MTO1: variants seen among roughly 807,000 people sequenced by gnomAD.
The protein encoded by MTO1 is mitochondrial tRNA translation optimization 1.
In MTO1, 46 loss-of-function variants were observed where a neutral mutation model predicts 71.6. The observed-to-expected ratio is 0.64, with a 90% CI of 0.51 to 0.82. MTO1 has a LOEUF of 0.82. Among genes scored for constraint, MTO1 ranks in the 40% least tolerant of loss-of-function variants. The pLI is 0.00. For missense variants in MTO1, 773 were observed against 867.5 expected (o/e 0.89, Z 1.37); for synonymous variants, 297 against 312.1 (o/e 0.95, Z 0.51).
At chr6:73,474,066 G>A (rs1321217278) in intron 4 of MTO1, among the ~76,000 whole-genome samples, 1 of 150,732 alleles carries the variant, frequency 6.6e-6, no homozygotes, top group Non-Finnish European at 1.5e-5. Flanking sequence ...GATTGCAGGT[G>A]TAAACCACCG....
intron 3 of MTO1, among the ~76,000 whole-genome samples, chr6:73,470,990 G>A (rs1771147407): frequency 6.6e-6 from 1 of 151,836 alleles, no homozygotes; most frequent in African/African-American, 2.4e-5. Flanking sequence ...CCTTCACTTT[G>A]TCCCCTCAAC....
At chr6:73,468,844 G>A (rs1206539051) in intron 3 of MTO1, among the ~76,000 whole-genome samples, 1 of 152,098 alleles carries the variant, frequency 6.6e-6, no homozygotes, top group Non-Finnish European at 1.5e-5. Flanking sequence ...CTGACCTCAA[G>A]TGATCCGCCT....
intron 8 of MTO1, 87 bp from the exon 9 acceptor site, chr6:73,482,362 T>C: frequency 6.5e-7 from 1 of 1,542,200 alleles, no homozygotes; most frequent in African/African-American, 1.4e-5. Flanking sequence ...AGGACTAGCC[T>C]GGGCAACATA....
intron 4 of MTO1, among the ~76,000 whole-genome samples, chr6:73,478,290 G>A (rs540674519): frequency 6.7e-6 from 1 of 150,104 alleles, no homozygotes; most frequent in South Asian, 2.1e-4. Flanking sequence ...GATTGAGGAT[G>A]AAGAATTGGC....
At position 73,466,559 on chromosome 6, in the gene MTO1, C is replaced by G; in HGVS notation, c.488C>G (p.Pro163Arg). 6.2e-7 allele frequency: 1 copy of G among 1,614,138 alleles called. No homozygotes were observed. Among genetic ancestry groups the G allele is most frequent in the Non-Finnish European group, 8.5e-7 (1 of 1,180,032 alleles). ...GAVEDLILTE[P>R]EPEHTGKCRV... ...GTAGAAGATCTTATTCTTACAGAAC[C>G]AGAGCCTGAACACACTGGGAAATGC... is the stretch of plus-strand genomic sequence containing the variant. The change falls in exon 3 of 12, where the codon CCA becomes CGA. Residue 163 changes from proline to arginine, a missense_variant. By Grantham distance (103) the Pro-to-Arg change is moderately radical. Coordinates refer to ENST00000498286, the MANE Select transcript of MTO1 (RefSeq NM_012123.4).
At chr6:73,476,042 A>G (rs922432479) in intron 4 of MTO1, among the ~76,000 whole-genome samples, 2 of 152,080 alleles carry the variant, frequency 1.3e-5, no homozygotes, top group Admixed American at 1.3e-4. Context: ...GACATAGCAG[A>G]GCAACTTCCT....
rs570454203 is a variant in MTO1, at chr6:73,473,768, T to C, written c.825+114T>C. 4.2e-4 allele frequency: 338 copies of C among 797,400 alleles called. 3 individuals are homozygous for C. In the South Asian group the frequency reaches 6.5e-3, roughly 15 times the overall value. The allele number at this position is 797,400 out of a possible 1,614,324, so 49.4% of individuals were successfully genotyped here. On this transcript the variant is annotated intron_variant, in intron 4 of 11. Transcript: ENST00000498286. ...GCAGTTCACTTTATAGCACTATTGC[T>C]TATAGTGCAAAGAAATGATTTTTTT...
chr6:73,490,340 T>C (rs1419367592), intron 9 of MTO1, among the ~76,000 whole-genome samples: 2 of 152,212 alleles, frequency 1.3e-5, no homozygotes, highest in African/African-American at 4.8e-5. Flanking sequence ...TTGCTTTTGG[T>C]GTTTTATTCA....
intron 1 of MTO1, among the ~76,000 whole-genome samples, chr6:73,465,366 G>A (rs1021208637): frequency 6.6e-6 from 1 of 151,964 alleles, no homozygotes; most frequent in African/African-American, 2.4e-5. Context: ...GTTTCACCGT[G>A]TCGCCCAGGG....
chr6:73,467,614 A>AAAATAAATAAATAAATAAAT (rs70996806), intron 3 of MTO1, among the ~76,000 whole-genome samples: 14,338 of 143,360 alleles, frequency 0.1, 918 homozygotes, highest in Middle Eastern at 0.13. Context: ...ACTCTGTCTC[A>AAAATAAATAAATAAATAAAT]AAATAAATAA....
intron 9 of MTO1, among the ~76,000 whole-genome samples, chr6:73,491,591 A>G (rs1396196377): frequency 6.6e-6 from 1 of 152,192 alleles, no homozygotes; most frequent in Non-Finnish European, 1.5e-5. Flanking sequence ...ACAGGACTGT[A>G]GGACTTAACA....
rs1561957328 is a variant in MTO1 at position 73,503,902 on chromosome 6, A to ATTTTTT, written c.*3167_*3168insTTTTTT. On this transcript the variant is annotated 3_prime_UTR_variant, in exon 12 of 12. Coordinates refer to ENST00000498286, the MANE Select transcript of MTO1 (RefSeq NM_012123.4). ...AAGTATTTTGTCATTTTTTAGTTTCAACCTAGATTGGAATAGCCATGGCTT... is the reference window on the plus strand; with the variant it reads ...AAGTATTTTGTCATTTTTTAGTTTCATTTTTTACCTAGATTGGAATAGCCATGGCTT... 5.9e-5 allele frequency: 9 copies of ATTTTTT among 152,158 alleles called. No individual in the cohort carries two copies. Among genetic ancestry groups the ATTTTTT allele is most frequent in the Non-Finnish European group, 1.2e-4 (8 of 68,028 alleles). The allele number at this position is 152,158 out of a possible 1,614,324, so 9.4% of individuals were successfully genotyped here.
At chr6:73,470,428 G>A (rs1443403722) in intron 3 of MTO1, among the ~76,000 whole-genome samples, 1 of 151,934 alleles carries the variant, frequency 6.6e-6, no homozygotes, top group Non-Finnish European at 1.5e-5. Flanking sequence ...GGATGTTCTC[G>A]ATCTCCTGAC....
chr6:73,462,868 T>A (rs1321294366), intron 1 of MTO1, among the ~76,000 whole-genome samples: 1 of 152,160 alleles, frequency 6.6e-6, no homozygotes, highest in African/African-American at 2.4e-5. Flanking sequence ...GGCACGATCG[T>A]TGCACATTAC....
intron 10 of MTO1, among the ~76,000 whole-genome samples, chr6:73,493,354 A>ATGTGTGTG (rs144509962): frequency 0.13 from 18,549 of 139,236 alleles, 1,383 homozygotes; most frequent in Non-Finnish European, 0.17. Context: ...ATGTGCATGT[A>ATGTGTGTG]TGTGTGTGTG....
intron 9 of MTO1, 61 bp from the exon 10 acceptor site, chr6:73,492,167 ATCTTGT>A (rs1257492733): frequency 1.7e-5 from 17 of 992,000 alleles, no homozygotes; most frequent in Non-Finnish European, 2.4e-5. Context: ...ATTTCAAAGA[ATCTTGT>A]TCTTGATCTG....
At chr6:73,480,599 G>A in intron 6 of MTO1, 76 bp from the exon 7 acceptor site, 1 of 1,540,234 alleles carries the variant, frequency 6.5e-7, no homozygotes. Context: ...GGGCATTTAA[G>A]GGTAATGCTT....
chr6:73,484,792 A>G (rs1474464200), intron 9 of MTO1, among the ~76,000 whole-genome samples: 2 of 152,174 alleles, frequency 1.3e-5, no homozygotes, highest in South Asian at 4.1e-4. Context: ...ACAGTGGCTC[A>G]TGCCTGTAAT....
chr6:73,479,973 C>T lies in MTO1; in HGVS notation c.976C>T (p.Pro326Ser), dbSNP rs1012000476. The T allele has an allele frequency of 1.2e-6, 2 of 1,613,318 alleles. No individual in the cohort carries two copies. The highest frequency in any genetic ancestry group is 4.5e-5 in the East Asian group (2 of 44,868). Reference sequence around the variant, plus strand: ...CATTGAATCAAAAGTTTTGCGTTTTCCAAACCGTCTACATCAGGTTTGGTT... The same window carrying T: ...CATTGAATCAAAAGTTTTGCGTTTTTCAAACCGTCTACATCAGGTTTGGTT... ...PSIESKVLRF[P>S]NRLHQVWLEP... Residue 326 changes from proline (P) to serine (S), a missense_variant, in exon 6 of 12, where the codon CCA (proline) becomes TCA (serine). By Grantham distance (74) the Pro-to-Ser change is moderately conservative (BLOSUM62 -1). Coordinates refer to ENST00000498286, the MANE Select transcript of MTO1 (RefSeq NM_012123.4).
Sources: gnomAD v4.1 joint callset for allele counts (sites outside exome capture counted in the v4.1 genomes callset) on GRCh38, gnomAD v4.1.1 for gene constraint, MANE v1.5 for transcripts, NCBI Gene and HGNC (gene_info 2026-07-23, HGNC 2026-07-21) for gene names.